Variants in CAPN5 observed in about 807,000 individuals in gnomAD.
CAPN5 encodes calpain 5, also known as calpain-5.
A neutral mutation model predicts 73.0 loss-of-function variants in CAPN5; 54 were observed. The ratio of observed to expected loss-of-function variants is 0.74; its 90% CI spans 0.59 to 0.93. The LOEUF is 0.93. CAPN5 is among the 40% of genes least tolerant of loss of function. CAPN5 has a pLI of 0.00. For synonymous variants in CAPN5, 335 were observed against 356.9 expected (o/e 0.94, Z 0.69); for missense variants, 785 against 882.9 (o/e 0.89, Z 1.41).
Position 77,123,701 on chromosome 11 carries a change from G to T in CAPN5, c.1754G>T (p.Arg585Leu). 3 of 1,613,560 alleles carry T rather than the reference G, an allele frequency of 1.9e-6. No individual in the cohort carries two copies. The highest frequency in any genetic ancestry group is 2.7e-5 in the African/African-American group (2 of 74,978). ...GTCTCTTCCCAGGTCTGGAACCACC[G>T]AGTGCTGAAGGATGAATTTCTGGGC... ...QPITVQVWNH[R>L]VLKDEFLGQV... The change falls in exon 13 of 13, where the codon CGA becomes CTA. Residue 585 changes from arginine to leucine, a missense_variant. Transcript: ENST00000648180.
At chr11:77,098,103 AC>A (rs1178914335) in intron 3 of CAPN5, among the ~76,000 whole-genome samples, 5 of 68,142 alleles carry the variant, frequency 7.3e-5, no homozygotes, top group Non-Finnish European at 1.1e-4. Context: ...CGGGGGGCTG[AC>A]CCCCCCACCT....
At chr11:77,069,059 G>A (rs376725747) in intron 1 of CAPN5, among the ~76,000 whole-genome samples, 5 of 152,114 alleles carry the variant, frequency 3.3e-5, no homozygotes, top group African/African-American at 9.7e-5. Flanking sequence ...GGCCTCCTGC[G>A]CCCTCAGTGG....
At chr11:77,091,125 C>T (rs145224813) in intron 2 of CAPN5, among the ~76,000 whole-genome samples, 25 of 152,278 alleles carry the variant, frequency 1.6e-4, no homozygotes, top group African/African-American at 5.1e-4. Flanking sequence ...CTGGTTCTTC[C>T]GGGCAGAGGG....
intron 3 of CAPN5, among the ~76,000 whole-genome samples, chr11:77,098,933 C>T (rs1380157057): frequency 1.5e-4 from 13 of 88,570 alleles, no homozygotes; most frequent in South Asian, 1.0e-3. Context: ...ACTTCTCAGA[C>T]GGGGCGGCTG....
At chr11:77,107,560 C>A (rs1378728251) in intron 3 of CAPN5, among the ~76,000 whole-genome samples, 1 of 152,058 alleles carries the variant, frequency 6.6e-6, no homozygotes, top group South Asian at 2.1e-4. Context: ...TGCCACTACC[C>A]GGGGAAGATT....
chr11:77,084,755 C>T, intron 1 of CAPN5, 97 bp from the exon 2 acceptor site: 1 of 1,104,504 alleles, frequency 9.1e-7, no homozygotes, highest in Non-Finnish European at 1.3e-6. Context: ...GCTGAGCCTT[C>T]CGTGCCTGTG....
Position 77,084,989 on chromosome 11 carries a change from AC to A in CAPN5, c.104del (p.Thr35MetfsTer128), listed in dbSNP as rs1402410502. The A allele has an allele frequency of 1.2e-6, 2 of 1,613,696 alleles. No individual in the cohort carries two copies. Among genetic ancestry groups the A allele is most frequent in the African/African-American group, 2.7e-5 (2 of 74,932 alleles). ...VLFEDPLFPATDDSLYYKGTP... is the reference protein window; with the variant it reads ...VLFEDPLFPAXDDSLYYKGTP... Reference sequence around the variant, plus strand: ...CTTCGAGGACCCCCTCTTCCCCGCCACTGACGACTCACTCTACTATAAGGGC... The same window carrying A: ...CTTCGAGGACCCCCTCTTCCCCGCCATGACGACTCACTCTACTATAAGGGC... On this transcript the variant is annotated frameshift_variant, in exon 2 of 13. Coordinates refer to ENST00000648180, the MANE Select transcript of CAPN5 (RefSeq NM_004055.5). LOFTEE classifies it high-confidence loss of function.
chr11:77,091,740 A>C (rs3781685), intron 2 of CAPN5, among the ~76,000 whole-genome samples: 21,762 of 152,044 alleles, frequency 0.14, 1,796 homozygotes, highest in East Asian at 0.29. Context: ...GGCCTTGGGG[A>C]GGGATGATTA....
intron 2 of CAPN5, among the ~76,000 whole-genome samples, chr11:77,087,631 G>T (rs1950102487): frequency 6.6e-6 from 1 of 152,106 alleles, no homozygotes; most frequent in Non-Finnish European, 1.5e-5. Context: ...TCCTGCTTGG[G>T]CCTCAGTTTC....
At position 77,118,824 on chromosome 11, in the gene CAPN5, G is replaced by A. The variant is rs1464314577; in HGVS notation, c.1168-206G>A. 2.6e-5 allele frequency among the ~76,000 whole-genome samples: 4 copies of A among 152,174 alleles called. No individual in the cohort carries two copies. In the East Asian group the frequency reaches 7.7e-4, roughly 29 times the overall value. ...TGTGTGCCAGGCTCTGTGCAGAGTG[G>A]CCACCCTGGCATTGAGTTTCCCCAG... On this transcript the variant is annotated intron_variant, in intron 8 of 12. Transcript: ENST00000648180.
intron 3 of CAPN5, among the ~76,000 whole-genome samples, chr11:77,101,339 C>G (rs1232800005): frequency 6.6e-6 from 1 of 152,152 alleles, no homozygotes; most frequent in Admixed American, 6.5e-5. Context: ...GAAACAGCTC[C>G]CCCATGTGGA....
At chr11:77,071,555 T>C in intron 1 of CAPN5, 1 of 431,564 alleles carries the variant, frequency 2.3e-6, no homozygotes, top group Admixed American at 2.4e-5. Flanking sequence ...GTCTGGTATG[T>C]GGGGTCAGGT....
Position 77,102,916 on chromosome 11 carries a change from G to A in CAPN5, c.297+9103G>A, listed in dbSNP as rs374206593. 5.5e-5 allele frequency: 89 copies of A among 1,612,854 alleles called. No homozygotes were observed. The highest frequency in any genetic ancestry group is 3.3e-4 in the Admixed American group (20 of 60,014). ...GACCAGGGCCTGACCAGGCAGATGC[G>A]GCTACGCGTGGAGAGCCTGAAGCAG... On this transcript the variant is annotated intron_variant, in intron 3 of 12. Transcript: ENST00000648180.
In CAPN5 at chr11:77,112,772, G is replaced by T; in HGVS notation, c.481G>T (p.Ala161Ser). 6.2e-7 allele frequency: 1 copy of T among 1,614,238 alleles called. No homozygotes were observed. The highest frequency in any genetic ancestry group is 8.5e-7 in the Non-Finnish European group (1 of 1,180,042). The change falls in exon 4 of 13, where the codon GCC becomes TCC. Residue 161 changes from alanine (A) to serine (S), a missense_variant. By Grantham distance (99) the Ala-to-Ser change is moderately conservative. Transcript: ENST00000648180. ...CAACTCCCGCAATGAGTTTTGGTGC[G>T]CCCTAGTGGAGAAGGCCTATGCCAA... ...HSNSRNEFWC[A>S]LVEKAYAKLA... is the part of the protein sequence containing the mutation.
chr11:77,080,595 C>T (rs782329912), intron 1 of CAPN5, among the ~76,000 whole-genome samples: 4 of 152,190 alleles, frequency 2.6e-5, no homozygotes, highest in Non-Finnish European at 5.9e-5. Flanking sequence ...CTTATTCCAT[C>T]CTGTACACAG....
intron 1 of CAPN5, among the ~76,000 whole-genome samples, chr11:77,076,902 A>G (rs782632605): frequency 6.6e-6 from 1 of 152,240 alleles, no homozygotes; most frequent in Non-Finnish European, 1.5e-5. Context: ...TTGCTGGATC[A>G]TATGGTAGTT....
At chr11:77,067,834 CCA>C (rs1949861434) in intron 1 of CAPN5, among the ~76,000 whole-genome samples, 1 of 152,014 alleles carries the variant, frequency 6.6e-6, no homozygotes, top group African/African-American at 2.4e-5. Flanking sequence ...GTTCTCTCTC[CCA>C]GTCATTTCAT....
intron 3 of CAPN5, among the ~76,000 whole-genome samples, chr11:77,095,333 A>AC (rs1172822472): frequency 1.3e-4 from 20 of 150,562 alleles, no homozygotes; most frequent in South Asian, 4.2e-4. Flanking sequence ...CTTAGAGCCC[A>AC]CCCCCCCACT....
At chr11:77,073,076 C>T (rs1555033365) in intron 1 of CAPN5, 1 of 1,289,730 alleles carries the variant, frequency 7.8e-7, no homozygotes, top group Non-Finnish European at 1.0e-6. Context: ...GGACGCCCAG[C>T]TGTATCTACC....
Sources: gnomAD v4.1 joint callset for allele counts (sites outside exome capture counted in the v4.1 genomes callset) on GRCh38, gnomAD v4.1.1 for gene constraint, MANE v1.5 for transcripts, NCBI Gene and HGNC (gene_info 2026-07-23, HGNC 2026-07-21) for gene names.